Variants in CEP290 observed in about 807,000 individuals in gnomAD.
CEP290 encodes centrosomal protein 290.
In CEP290, 317 loss-of-function variants were observed where a neutral mutation model predicts 344.9. The ratio of observed to expected loss-of-function variants is 0.92; its 90% CI spans 0.84 to 1.01. CEP290 has a LOEUF of 1.01. Ranked by LOEUF, CEP290 falls within the 50% of genes least tolerant of loss-of-function variation. The pLI is 0.00. For synonymous variants in CEP290, 932 were observed against 895.8 expected (o/e 1.04, Z -0.72); for missense variants, 2,754 against 2,761.4 (o/e 1.00, Z 0.06).
chr12:88,050,370 T>C lies in CEP290; in HGVS notation c.7193A>G (p.Glu2398Gly). Residue 2398 changes from glutamate to glycine, a missense_variant, in exon 53 of 54, where the codon GAA (glutamate) becomes GGA (glycine). Transcript: ENST00000552810. ...LETQLKMSDL[E>G]KQHLKEEIKK... ...AAATATTACCTTCAAATGCTGCTTT[T>C]CTAGATCTGACATTTTGAGCTGTGT... 1 of 1,536,056 alleles carries C rather than the reference T, an allele frequency of 6.5e-7. No homozygotes were observed. Among genetic ancestry groups the C allele is most frequent in the Non-Finnish European group, 8.9e-7 (1 of 1,118,534 alleles).
chr12:88,127,915 G>A (rs897888848), intron 11 of CEP290, among the ~76,000 whole-genome samples: 2 of 152,106 alleles, frequency 1.3e-5, no homozygotes, highest in African/African-American at 4.8e-5. Flanking sequence ...AAATAATTAT[G>A]AAATGGTATT....
chr12:88,087,923 T>C lies in CEP290; in HGVS notation c.4051A>G (p.Ile1351Val). ...AGTTCTTGAAGACGAAGTTCTTCTA[T>C]TTTCATATGCCAGTTGATTACCTAA... ...AQKVINWHMKIEELRLQELKL... is the reference protein window; with the variant it reads ...AQKVINWHMKVEELRLQELKL... The change falls in exon 32 of 54, where the codon ATA becomes GTA. Residue 1351 changes from isoleucine (I) to valine (V), a missense_variant. Physicochemically the swap from Ile to Val is conservative, Grantham distance 29. Coordinates refer to ENST00000552810, the MANE Select transcript of CEP290 (RefSeq NM_025114.4). 8.4e-7 allele frequency: 1 copy of C among 1,188,426 alleles called. No homozygotes were observed. Among genetic ancestry groups the C allele is most frequent in the Non-Finnish European group, 1.1e-6 (1 of 927,504 alleles). 73.6% of individuals were successfully genotyped at this position (1,188,426 alleles called of 1,614,324 possible).
intron 6 of CEP290, chr12:88,135,731 C>T (rs2040321027): frequency 6.6e-6 from 1 of 151,752 alleles, no homozygotes; most frequent in Non-Finnish European, 1.5e-5. Flanking sequence ...AATGTATGAC[C>T]CTCAATTTCT....
chr12:88,110,433 G>A (rs553179909), intron 22 of CEP290, among the ~76,000 whole-genome samples: 1 of 152,182 alleles, frequency 6.6e-6, no homozygotes, highest in African/African-American at 2.4e-5. Flanking sequence ...GCTTATGGCT[G>A]TGTGCAGTGG....
chr12:88,053,167 C>A (rs924894026), intron 52 of CEP290, among the ~76,000 whole-genome samples: 12 of 151,632 alleles, frequency 7.9e-5, no homozygotes, highest in African/African-American at 2.9e-4. Context: ...TATATGTATA[C>A]AAAATATGTG....
intron 42 of CEP290, 143 bp from the exon 43 acceptor site, chr12:88,071,592 C>A (rs2035380271): frequency 2.4e-6 from 2 of 850,824 alleles, no homozygotes; most frequent in South Asian, 4.2e-5. Flanking sequence ...ACAGGAAAAT[C>A]CATCTATAAT....
chr12:88,096,699 G>GA (rs2037457591), intron 27 of CEP290, among the ~76,000 whole-genome samples, 189 bp downstream of exon 27: 1 of 152,038 alleles, frequency 6.6e-6, no homozygotes, highest in African/African-American at 2.4e-5. Context: ...CTTAAGGACT[G>GA]AAAACTAAAC....
chr12:88,110,684 G>A (rs2038624761), intron 22 of CEP290, among the ~76,000 whole-genome samples: 1 of 152,154 alleles, frequency 6.6e-6, no homozygotes, highest in Non-Finnish European at 1.5e-5. Context: ...ACTCCAGCCT[G>A]AGTGACAGAG....
intron 10 of CEP290, 129 bp downstream of exon 10, chr12:88,129,565 A>G: frequency 1.8e-6 from 1 of 548,630 alleles, no homozygotes; most frequent in South Asian, 2.9e-5. Flanking sequence ...CCAACATGAC[A>G]AGATATTACA....
intron 6 of CEP290, 33 bp from the exon 7 acceptor site, chr12:88,131,251 G>C: frequency 7.1e-7 from 1 of 1,412,696 alleles, no homozygotes; most frequent in Non-Finnish European, 9.3e-7. Context: ...TAAATAAGAA[G>C]AAGATAAAAT....
chr12:88,082,930 TAA>T, intron 37 of CEP290, 99 bp downstream of exon 37: 1 of 659,356 alleles, frequency 1.5e-6, no homozygotes, highest in East Asian at 3.1e-5. Context: ...ACAATATACT[TAA>T]AAGTCTTAGA....
At chr12:88,071,549 T>C (rs1346330849) in intron 42 of CEP290, 100 bp from the exon 43 acceptor site, 1 of 1,024,972 alleles carries the variant, frequency 9.8e-7, no homozygotes, top group African/African-American at 1.6e-5. Context: ...TGTAACACCC[T>C]ATATTTGTCA....
At chr12:88,068,209 T>C (rs1439111821) in intron 44 of CEP290, among the ~76,000 whole-genome samples, 4 of 152,120 alleles carry the variant, frequency 2.6e-5, no homozygotes, top group African/African-American at 7.2e-5. Flanking sequence ...TTGGAACATG[T>C]TTTCCTATTT....
rs748165819 is a variant in CEP290 at position 88,126,401 on chromosome 12, T to A, written c.980A>T (p.Tyr327Phe). 6.6e-7 allele frequency: 1 copy of A among 1,517,354 alleles called. No individual in the cohort carries two copies. The allele number at this position is 1,517,354 out of a possible 1,614,324, so 94.0% of individuals were successfully genotyped here. ...LSSKDDEIIE[Y>F]QQMLHNLREK... is the part of the protein sequence containing the mutation. ...CCTTAGGTTATGTAACATTTGCTGA[T>A]ACTCAATAATTTCATCATCTTTAGA... is the stretch of plus-strand genomic sequence containing the variant. The change falls in exon 12 of 54, where the codon TAT (tyrosine) becomes TTT (phenylalanine). Residue 327 changes from tyrosine to phenylalanine, a missense_variant. By Grantham distance (22) the Tyr-to-Phe change is conservative (BLOSUM62 3). Transcript: ENST00000552810.
intron 44 of CEP290, among the ~76,000 whole-genome samples, chr12:88,065,947 A>G (rs999200828): frequency 1.3e-5 from 2 of 152,232 alleles, no homozygotes; most frequent in African/African-American, 4.8e-5. Flanking sequence ...AAACTCTTAC[A>G]GAAGAATAAT....
Position 88,049,391 on chromosome 12 carries a change from T to C in CEP290, c.7233A>G (p.Lys2411=), listed in dbSNP as rs1443360393. ...ATGAAGGATCAAAATTTTCCAGTTC[T>C]TTTTTCAGCTTCTTTATTTCCTCCT... ...HLKEEIKKLK[K]ELENFDPSFF... The change falls in exon 54 of 54, where the codon AAA becomes AAG. Residue 2411 remains lysine, a synonymous_variant. Transcript: ENST00000552810. The C allele has an allele frequency of 2.7e-6, 4 of 1,503,828 alleles. No homozygotes were observed. The highest frequency in any genetic ancestry group is 1.4e-5 in the African/African-American group (1 of 71,746). The allele number at this position is 1,503,828 out of a possible 1,614,324, so 93.2% of individuals were successfully genotyped here.
intron 20 of CEP290, among the ~76,000 whole-genome samples, 190 bp from the exon 21 acceptor site, chr12:88,112,048 T>C (rs1173011270): frequency 1.3e-5 from 2 of 152,154 alleles, no homozygotes; most frequent in African/African-American, 2.4e-5. Flanking sequence ...TTACCAAGCA[T>C]AGTAATTACT....
chr12:88,114,586 T>G, intron 19 of CEP290, 24 bp from the exon 20 acceptor site: 2 of 1,514,660 alleles, frequency 1.3e-6, no homozygotes, highest in Non-Finnish European at 1.8e-6. Context: ...GTTTTCTCAT[T>G]GGATGATCAG....
intron 13 of CEP290, 84 bp downstream of exon 13, chr12:88,125,162 A>G: frequency 2.2e-6 from 1 of 458,736 alleles, no homozygotes; most frequent in East Asian, 4.4e-5. Flanking sequence ...AAAACTCAAT[A>G]TTGACTTGAC....
Sources: allele counts gnomAD v4.1 joint callset (sites outside exome capture counted in the v4.1 genomes callset), GRCh38; gene constraint gnomAD v4.1.1; transcripts MANE v1.5; gene names NCBI Gene and HGNC (gene_info 2026-07-23, HGNC 2026-07-21).